The following INTS8 variants were observed in gnomAD, a reference collection of about 807,000 sequenced individuals.
INTS8 encodes the protein protein kaonashi-1.
Under a neutral mutation model 138.9 loss-of-function variants are expected in INTS8, and 47 were observed. The observed-to-expected ratio is 0.34, with a 90% CI of 0.27 to 0.43. The LOEUF (loss-of-function observed/expected upper bound fraction) is 0.43. Ranked by LOEUF, INTS8 falls within the 20% of genes least tolerant of loss-of-function variation. The probability of loss-of-function intolerance (pLI) is 1.00; values close to 1 mark genes in which losing one functional copy is unlikely to be tolerated. For synonymous variants in INTS8, 392 were observed against 400.9 expected (o/e 0.98, Z 0.27); for missense variants, 996 against 1,173.0 (o/e 0.85, Z 2.20).
intron 16 of INTS8, among the ~76,000 whole-genome samples, chr8:94,864,372 G>A (rs1296160930): frequency 1.3e-5 from 2 of 152,224 alleles, no homozygotes; most frequent in South Asian, 2.1e-4. Context: ...CTACAAGAGC[G>A]ATGGAGTATA....
intron 26 of INTS8, among the ~76,000 whole-genome samples, chr8:94,878,734 A>ACTTTGG (rs1257201288): frequency 2.6e-5 from 4 of 152,140 alleles, no homozygotes; most frequent in Non-Finnish European, 4.4e-5. Context: ...CAGCAATTTG[A>ACTTTGG]CTTCTGCCAT....
At chr8:94,873,597 C>T in intron 22 of INTS8, 120 bp downstream of exon 22, 1 of 683,956 alleles carries the variant, frequency 1.5e-6, no homozygotes, top group African/African-American at 1.8e-5. Context: ...AGGTTCATGG[C>T]TCTAGAACAC....
intron 6 of INTS8, among the ~76,000 whole-genome samples, chr8:94,832,671 T>C (rs1158944710): frequency 2.0e-5 from 3 of 152,134 alleles, no homozygotes; most frequent in Admixed American, 1.3e-4. Context: ...TGTTTTTTTT[T>C]TGAGACGGAG....
intron 26 of INTS8, among the ~76,000 whole-genome samples, chr8:94,878,787 C>T (rs1230761147): frequency 6.6e-6 from 1 of 152,230 alleles, no homozygotes; most frequent in African/African-American, 2.4e-5. Context: ...AATGCCAGAT[C>T]CAGTGGATAC....
At chr8:94,870,049 A>T (rs1281414426) in intron 20 of INTS8, among the ~76,000 whole-genome samples, 4 of 150,322 alleles carry the variant, frequency 2.7e-5, no homozygotes, top group Non-Finnish European at 5.9e-5. Flanking sequence ...ATATATTTTT[A>T]TTTATTTATT....
chr8:94,856,263 G>A (rs1815741672), intron 14 of INTS8, among the ~76,000 whole-genome samples: 1 of 152,210 alleles, frequency 6.6e-6, no homozygotes, highest in African/African-American at 2.4e-5. Flanking sequence ...CCAGATTATG[G>A]GAGTGAATGA....
At chr8:94,873,214 C>T (rs1816459065) in intron 21 of INTS8, among the ~76,000 whole-genome samples, 160 bp from the exon 22 acceptor site, 1 of 152,186 alleles carries the variant, frequency 6.6e-6, no homozygotes, top group Non-Finnish European at 1.5e-5. Context: ...AAATTCTGTA[C>T]TAGGACATTT....
At chr8:94,869,251 G>A (rs1816299213) in intron 20 of INTS8, among the ~76,000 whole-genome samples, 1 of 151,964 alleles carries the variant, frequency 6.6e-6, no homozygotes, top group Non-Finnish European at 1.5e-5. Flanking sequence ...AAAGTGCTGG[G>A]ATTAACAGGC....
At chr8:94,832,600 C>T (rs1814764803) in intron 6 of INTS8, among the ~76,000 whole-genome samples, 1 of 152,038 alleles carries the variant, frequency 6.6e-6, no homozygotes, top group East Asian at 1.9e-4. Context: ...ACTCTGGGCC[C>T]CTTGTTCCTT....
At chr8:94,855,108 G>A (rs1370804060) in intron 14 of INTS8, among the ~76,000 whole-genome samples, 4 of 152,058 alleles carry the variant, frequency 2.6e-5, no homozygotes, top group African/African-American at 9.7e-5. Context: ...AGAAATTCTG[G>A]GATGGGGCCC....
intron 12 of INTS8, 53 bp downstream of exon 12, chr8:94,850,144 C>A: frequency 8.3e-7 from 1 of 1,200,484 alleles, no homozygotes; most frequent in Non-Finnish European, 1.2e-6. Context: ...CCCCTCTATT[C>A]AAATTAACCT....
At position 94,833,172 on chromosome 8, in the gene INTS8, A is replaced by G. The variant is rs183461046; in HGVS notation, c.753+998A>G. ...AACTGTATTGTCTTTCCTTATTCGTATGAGTTGGCATGGCTTCTTTTATCA... is the reference window on the plus strand; with the variant it reads ...AACTGTATTGTCTTTCCTTATTCGTGTGAGTTGGCATGGCTTCTTTTATCA... On this transcript the variant is annotated intron_variant, in intron 6 of 26. Coordinates refer to ENST00000523731, the MANE Select transcript of INTS8 (RefSeq NM_017864.4). Among the ~76,000 whole-genome samples the G allele has an allele frequency of 1.9e-3, 295 of 152,036 alleles. 1 individual carries two copies. Among genetic ancestry groups the G allele is most frequent in the African/African-American group, 6.7e-3 (277 of 41,476 alleles).
intron 21 of INTS8, 29 bp from the exon 22 acceptor site, chr8:94,873,345 A>G: frequency 6.8e-7 from 1 of 1,476,986 alleles, no homozygotes; most frequent in Non-Finnish European, 9.5e-7. Context: ...TGTTACCTCT[A>G]ATGCTTTATG....
intron 20 of INTS8, among the ~76,000 whole-genome samples, chr8:94,868,398 A>G (rs1347423599): frequency 1.3e-5 from 2 of 152,198 alleles, no homozygotes; most frequent in Non-Finnish European, 2.9e-5. Context: ...ATAATAGTAA[A>G]GAATTTGTTT....
intron 13 of INTS8, among the ~76,000 whole-genome samples, chr8:94,853,133 G>A (rs572750249): frequency 4.6e-5 from 7 of 152,014 alleles, no homozygotes; most frequent in African/African-American, 1.2e-4. Flanking sequence ...GCAACATAGC[G>A]AAACCCCGTC....
chr8:94,832,243 AT>A, intron 6 of INTS8, 69 bp downstream of exon 6: 1 of 1,081,552 alleles, frequency 9.2e-7, no homozygotes, highest in Non-Finnish European at 1.4e-6. Flanking sequence ...TCATCCTCCT[AT>A]TTTTAATTAG....
At chr8:94,858,656 C>T (rs1815840899) in intron 15 of INTS8, among the ~76,000 whole-genome samples, 1 of 152,148 alleles carries the variant, frequency 6.6e-6, no homozygotes, top group Admixed American at 6.5e-5. Context: ...TTCCTTATCC[C>T]CATTTTGTAA....
intron 16 of INTS8, among the ~76,000 whole-genome samples, chr8:94,865,264 C>CTA (rs1252908693): frequency 5.9e-5 from 9 of 151,982 alleles, no homozygotes; most frequent in African/African-American, 2.2e-4. Context: ...TTTCATTAGA[C>CTA]TATAACTGTT....
Position 94,856,998 on chromosome 8 carries a change from AC to A in INTS8, c.1954+21del. On this transcript the variant is annotated intron_variant, in intron 15 of 26. Coordinates refer to ENST00000523731, the MANE Select transcript of INTS8 (RefSeq NM_017864.4). Reference sequence around the variant, plus strand: ...TTCCTGGTAAGACTGGTTCACAAAGACAAATTTCAGAAACTCAGTACTCACA... The same window carrying A: ...TTCCTGGTAAGACTGGTTCACAAAGAAAATTTCAGAAACTCAGTACTCACA... 1.9e-6 allele frequency: 3 copies of A among 1,590,190 alleles called. No homozygotes were observed. The highest frequency in any genetic ancestry group is 2.6e-6 in the Non-Finnish European group (3 of 1,160,226).
Sources: gnomAD v4.1 joint callset for allele counts (sites outside exome capture counted in the v4.1 genomes callset) on GRCh38, gnomAD v4.1.1 for gene constraint, MANE v1.5 for transcripts, NCBI Gene and HGNC (gene_info 2026-07-23, HGNC 2026-07-21) for gene names.